NPHP1: variants seen among roughly 807,000 people sequenced by gnomAD.
NPHP1 encodes nephrocystin-1.
NPHP1 carries 70 observed loss-of-function variants against 90.4 expected under a neutral mutation model. The observed-to-expected ratio is 0.77, with a 90% CI of 0.64 to 0.95. The LOEUF (loss-of-function observed/expected upper bound fraction) is 0.95. Among genes scored for constraint, NPHP1 ranks in the 40% least tolerant of loss-of-function variants. NPHP1 has a pLI of 0.00. For missense variants in NPHP1, 764 were observed against 795.9 expected (o/e 0.96, Z 0.48); for synonymous variants, 256 against 271.7 (o/e 0.94, Z 0.57).
At chr2:110,181,057 C>A (rs575642177) in intron 2 of NPHP1, among the ~76,000 whole-genome samples, 2 of 152,294 alleles carry the variant, frequency 1.3e-5, no homozygotes, top group Non-Finnish European at 2.9e-5. Flanking sequence ...CCATGGCCCC[C>A]ACTTCCATGG....
At chr2:110,159,321 A>G (rs1215783038) in intron 11 of NPHP1, among the ~76,000 whole-genome samples, 3 of 151,910 alleles carry the variant, frequency 2.0e-5, no homozygotes, top group Non-Finnish European at 2.9e-5. Context: ...TTTCTCCTTC[A>G]TCTGTTCCTT....
At chr2:110,183,721 C>A (rs1201835249) in intron 2 of NPHP1, among the ~76,000 whole-genome samples, 2 of 151,960 alleles carry the variant, frequency 1.3e-5, no homozygotes, top group African/African-American at 2.4e-5. Flanking sequence ...CTTTAATACC[C>A]CACTGACAAT....
chr2:110,185,637 G>A (rs939692195), intron 2 of NPHP1, among the ~76,000 whole-genome samples: 11 of 152,226 alleles, frequency 7.2e-5, no homozygotes, highest in East Asian at 5.8e-4. Context: ...TGGTCACTCC[G>A]CTATCAATGC....
rs983679249 is a variant in NPHP1, at chr2:110,179,393, T to C, written c.204+231A>G. ...CTTCCAGGATTGTCTGAATCCTTAA[T>C]AGCAGGTGAGTTCATCAAAGCTGAA... On this transcript the variant is annotated intron_variant, in intron 3 of 19. Coordinates refer to ENST00000445609, the MANE Select transcript of NPHP1 (RefSeq NM_001128178.3). Among the ~76,000 whole-genome samples, 6 of 152,310 alleles carry C rather than the reference T, an allele frequency of 3.9e-5. No homozygotes were observed. The East Asian group carries it at 9.7e-4, about 25-fold the overall frequency.
chr2:110,123,864 C>A lies in NPHP1; in HGVS notation c.1961G>T (p.Gly654Val). ...TGAAAGGTCAAAAGGTTCATGAACTCCGTCTGGTGACAGCAGAGCTTGGAG... is the reference window on the plus strand; with the variant it reads ...TGAAAGGTCAAAAGGTTCATGAACTACGTCTGGTGACAGCAGAGCTTGGAG... ...GALQALLSPDGVHEPFDLSEQ... is the reference protein window; with the variant it reads ...GALQALLSPDVVHEPFDLSEQ... The change falls in exon 20 of 20, where the codon GGA (glycine) becomes GTA (valine). Residue 654 changes from glycine to valine, a missense_variant. Gly to Val is a moderately radical substitution (Grantham distance 109). Coordinates refer to ENST00000445609, the MANE Select transcript of NPHP1 (RefSeq NM_001128178.3). The A allele has an allele frequency of 6.2e-7, 1 of 1,614,100 alleles. No individual in the cohort carries two copies.
chr2:110,185,075 A>AT, intron 2 of NPHP1: 1 of 596,616 alleles, frequency 1.7e-6, no homozygotes, highest in Non-Finnish European at 3.3e-6. Flanking sequence ...TTCCACGTGG[A>AT]TTGAGGGCTC....
intron 2 of NPHP1, chr2:110,183,947 C>G (rs967446798): frequency 3.0e-6 from 1 of 329,576 alleles, no homozygotes; most frequent in Non-Finnish European, 6.0e-6. Context: ...GAAATTATAA[C>G]AAACAGACCA....
chr2:110,202,024 A>C (rs1370579104), intron 1 of NPHP1, among the ~76,000 whole-genome samples: 2 of 152,162 alleles, frequency 1.3e-5, no homozygotes, highest in African/African-American at 4.8e-5. Flanking sequence ...AATTTTATAT[A>C]AATGGACTCA....
At chr2:110,191,455 C>T (rs928915529) in intron 2 of NPHP1, among the ~76,000 whole-genome samples, 3 of 152,166 alleles carry the variant, frequency 2.0e-5, no homozygotes, top group Non-Finnish European at 4.4e-5. Flanking sequence ...AAGGCAGCAG[C>T]GAGGCTGTTT....
At chr2:110,161,817 G>T in intron 9 of NPHP1, 120 bp from the exon 10 acceptor site, 1 of 678,730 alleles carries the variant, frequency 1.5e-6, no homozygotes, top group Non-Finnish European at 2.6e-6. Context: ...TGCTTACTAA[G>T]AACTTGCTTT....
intron 16 of NPHP1, among the ~76,000 whole-genome samples, chr2:110,132,863 T>C (rs1024771151): frequency 5.9e-5 from 9 of 152,152 alleles, no homozygotes; most frequent in African/African-American, 9.7e-5. Context: ...TTTAGGATGT[T>C]ATATGTAATA....
intron 6 of NPHP1, among the ~76,000 whole-genome samples, chr2:110,166,164 C>G (rs1682713755): frequency 6.6e-6 from 1 of 152,092 alleles, no homozygotes; most frequent in African/African-American, 2.4e-5. Context: ...TACAAATTGG[C>G]ATAACTTTTC....
chr2:110,184,417 A>G, intron 2 of NPHP1: 2 of 634,108 alleles, frequency 3.2e-6, no homozygotes, highest in Non-Finnish European at 2.9e-6. Context: ...CAAAGACACC[A>G]GGAATGAGCT....
At chr2:110,140,592 T>C (rs1053924545) in intron 16 of NPHP1, among the ~76,000 whole-genome samples, 4 of 152,038 alleles carry the variant, frequency 2.6e-5, no homozygotes, top group Non-Finnish European at 2.9e-5. Context: ...AATATACACA[T>C]GGGAGTGCTT....
In NPHP1 at chr2:110,140,099, G is replaced by A. The variant is rs186560921; in HGVS notation, c.1529+3443C>T. 5.3e-5 allele frequency among the ~76,000 whole-genome samples: 8 copies of A among 151,938 alleles called. No individual in the cohort carries two copies. The East Asian group carries it at 9.7e-4, about 18-fold the overall frequency. ...ACTGCCCATAAGCTGGTTTCTGTGC[G>A]AGCCAGCCTGGAGTTGCACCAGCAG... On this transcript the variant is annotated intron_variant, in intron 16 of 19. Transcript: ENST00000445609.
intron 11 of NPHP1, among the ~76,000 whole-genome samples, chr2:110,154,617 G>A (rs1325700773): frequency 6.6e-6 from 1 of 152,156 alleles, no homozygotes; most frequent in Non-Finnish European, 1.5e-5. Context: ...TGAGGAACTT[G>A]TTGGGCACTG....
chr2:110,192,032 G>A (rs1200492035), intron 2 of NPHP1, among the ~76,000 whole-genome samples: 2 of 152,040 alleles, frequency 1.3e-5, no homozygotes, highest in South Asian at 2.1e-4. Flanking sequence ...AAGACCAAAG[G>A]TAGATAAAAC....
At position 110,151,422 on chromosome 2, in the gene NPHP1, A is replaced by T. The variant is rs557536864; in HGVS notation, c.1084-1166T>A. Among the ~76,000 whole-genome samples, 227 of 152,294 alleles carry T rather than the reference A, an allele frequency of 1.5e-3. 2 individuals carry two copies. The highest frequency in any genetic ancestry group is 5.3e-3 in the African/African-American group (219 of 41,570). On this transcript the variant is annotated intron_variant, in intron 11 of 19. Coordinates refer to ENST00000445609, the MANE Select transcript of NPHP1 (RefSeq NM_001128178.3). ...TGGAATGAAGAATTCAAATTCTAAA[A>T]TGTTATGGCCAAAATTGACATCTTC...
intron 14 of NPHP1, among the ~76,000 whole-genome samples, chr2:110,144,813 T>A (rs1680898447): frequency 6.6e-6 from 1 of 152,138 alleles, no homozygotes; most frequent in Non-Finnish European, 1.5e-5. Context: ...AGAAAATACA[T>A]TTTTCCTTGA....
Sources: allele counts gnomAD v4.1 joint callset (sites outside exome capture counted in the v4.1 genomes callset), GRCh38; gene constraint gnomAD v4.1.1; transcripts MANE v1.5; gene names NCBI Gene and HGNC (gene_info 2026-07-23, HGNC 2026-07-21).